Variants in LRRC4 observed in about 807,000 individuals in gnomAD.
LRRC4 encodes the protein leucine-rich repeat-containing protein 4.
A neutral mutation model predicts 37.9 loss-of-function variants in LRRC4; 11 were observed. The ratio of observed to expected loss-of-function variants is 0.29; its 90% CI spans 0.18 to 0.48. LRRC4 has a LOEUF of 0.48. LRRC4 is among the 20% of genes least tolerant of loss of function. The pLI is 0.99. For synonymous variants in LRRC4, 404 were observed against 346.7 expected, an observed-to-expected ratio of 1.17 and a Z score of -1.84; for missense variants, 717 against 842.1, an observed-to-expected ratio of 0.85 and a Z score of 1.84.
rs1803538087 is a variant in LRRC4, at chr7:128,028,308, A to G, written c.*371T>C. 1 of 178,100 alleles carries G rather than the reference A, an allele frequency of 5.6e-6. No individual in the cohort carries two copies. The highest frequency in any genetic ancestry group is 2.4e-5 in the African/African-American group (1 of 41,896). 11.0% of individuals were successfully genotyped at this position (178,100 alleles called of 1,614,324 possible). A position where few individuals can be genotyped will look rare whatever the true frequency, so the allele number is the denominator to read the frequency against. On this transcript the variant is annotated 3_prime_UTR_variant, in exon 2 of 2. Coordinates refer to ENST00000249363, the MANE Select transcript of LRRC4 (RefSeq NM_022143.5). The stretch of plus-strand genomic sequence containing the variant: ...TTCTAAAAAATGACAGATTCAGTCT[A>G]TCCCTCTTGCCCCCTCAGCAGCCCA...
Position 128,030,918 on chromosome 7 carries a change from A to G in LRRC4, c.-106T>C. On this transcript the variant is annotated 5_prime_UTR_variant, in exon 1 of 2. Coordinates refer to ENST00000249363, the MANE Select transcript of LRRC4 (RefSeq NM_022143.5). ...CCCAGTTCGCCGTCACCTACCTCGG[A>G]AGGAAGGCAGGAAAGCACTGGCGTG... 2 of 348,596 alleles carry G rather than the reference A, an allele frequency of 5.7e-6. No homozygotes were observed. Among genetic ancestry groups the G allele is most frequent in the South Asian group, 1.4e-4 (2 of 14,440 alleles). The allele number at this position is 348,596 out of a possible 1,614,324, so 21.6% of individuals were successfully genotyped here. A position where few individuals can be genotyped will look rare whatever the true frequency, so the allele number is the denominator to read the frequency against.
At chr7:128,031,959 C>T (rs559548243), upstream of LRRC4, 3 of 150,714 alleles carry the variant, frequency 2.0e-5, no homozygotes, top group Non-Finnish European at 4.4e-5. Flanking sequence ...GGAACATAGT[C>T]CCCGCTGGCT....
At position 128,029,209 on chromosome 7, in the gene LRRC4, T is replaced by C. The variant is rs745984603; in HGVS notation, c.1432A>G (p.Thr478Ala). 6 of 1,613,974 alleles carry C rather than the reference T, an allele frequency of 3.7e-6. No individual in the cohort carries two copies. The Admixed American group carries it at 8.3e-5, about 22-fold the overall frequency. Reference sequence around the variant, plus strand: ...GCCGGCTGGTAACCAGTGGACGTGGTAGGAACAGGCTTGTACTTTCGCGTT... The same window carrying C: ...GCCGGCTGGTAACCAGTGGACGTGGCAGGAACAGGCTTGTACTTTCGCGTT... Reference protein sequence around the residue: ...DTTRKYKPVPTTSTGYQPAYT... With the variant: ...DTTRKYKPVPATSTGYQPAYT... The change falls in exon 2 of 2, where the codon ACC (threonine) becomes GCC (alanine). Residue 478 changes from threonine (T) to alanine (A), a missense_variant. Coordinates refer to ENST00000249363, the MANE Select transcript of LRRC4 (RefSeq NM_022143.5). This position sits in a 1 kb window ranked among gnomAD's most constrained non-coding sequence, Gnocchi z 4.2.
At position 128,029,075 on chromosome 7, in the gene LRRC4, G is replaced by T. The variant is rs1287117354; in HGVS notation, c.1566C>A (p.Val522=). 1.9e-6 allele frequency: 3 copies of T among 1,614,076 alleles called. No homozygotes were observed. The highest frequency in any genetic ancestry group is 3.3e-5 in the Admixed American group (2 of 60,016). Residue 522 remains valine, a synonymous_variant, in exon 2 of 2, where the codon GTC becomes GTA. Transcript: ENST00000249363. This position sits in a 1 kb window ranked among gnomAD's most constrained non-coding sequence, Gnocchi z 4.2. ...TDKMQTSLDE[V]MKTTKIIIGC... ...CAATGATGATCTTGGTGGTCTTCAT[G>T]ACTTCATCCAGGCTGGTCTGCATCT...
Position 128,029,221 on chromosome 7 carries a change from T to A in LRRC4, c.1420A>T (p.Lys474Ter). 1 of 1,614,104 alleles carries A rather than the reference T, an allele frequency of 6.2e-7. No individual in the cohort carries two copies. Residue 474 changes from lysine (K) to a stop codon, truncating the protein, a stop_gained, in exon 2 of 2, where the codon AAG becomes TAG. Coordinates refer to ENST00000249363, the MANE Select transcript of LRRC4 (RefSeq NM_022143.5). LOFTEE classifies it high-confidence loss of function. The surrounding 1 kb of genome is among the most constrained non-coding windows in gnomAD (Gnocchi z 4.2). ...ISPEDTTRKY[K>*]PVPTTSTGYQ... ...CCAGTGGACGTGGTAGGAACAGGCT[T>A]GTACTTTCGCGTTGTGTCCTCAGGC...
rs910527343 is a variant in LRRC4 at position 128,031,163 on chromosome 7, G to A, written c.-351C>T. 1.3e-5 allele frequency: 2 copies of A among 152,618 alleles called. No homozygotes were observed. The highest frequency in any genetic ancestry group is 1.5e-5 in the Non-Finnish European group (1 of 68,380). The allele number at this position is 152,618 out of a possible 1,614,324, so 9.5% of individuals were successfully genotyped here. ...GGCGCGCCTGGGAGAGCCAAGGCCC[G>A]GCGGGCTATGCAGGTGCATGCCCCC... On this transcript the variant is annotated 5_prime_UTR_variant, in exon 1 of 2. Coordinates refer to ENST00000249363, the MANE Select transcript of LRRC4 (RefSeq NM_022143.5).
rs1261801925 is a variant in LRRC4, at chr7:128,031,043, CAGAGG to C, written c.-236_-232del. On this transcript the variant is annotated 5_prime_UTR_variant, in exon 1 of 2. Transcript: ENST00000249363. ...GGGGAAGTGGTGGGGGCGGGGAGGG[CAGAGG>C]GGAGGGGAGGGGAGGGGAGGGAAGG... The C allele has an allele frequency of 4.8e-5, 3 of 62,234 alleles. No individual in the cohort carries two copies. Among genetic ancestry groups the C allele is most frequent in the Admixed American group, 1.8e-4 (1 of 5,602 alleles). 3.9% of individuals were successfully genotyped at this position (62,234 alleles called of 1,614,324 possible). A position where few individuals can be genotyped will look rare whatever the true frequency, so the allele number is the denominator to read the frequency against.
chr7:128,029,062 T>C lies in LRRC4; in HGVS notation c.1579A>G (p.Lys527Glu). ...TSLDEVMKTTKIIIGCFVAVT... is the reference protein window; with the variant it reads ...TSLDEVMKTTEIIIGCFVAVT... ...GCCACAAAGCAGCCAATGATGATCT[T>C]GGTGGTCTTCATGACTTCATCCAGG... Residue 527 changes from lysine (K) to glutamate (E), a missense_variant, in exon 2 of 2, where the codon AAG becomes GAG. Lys to Glu is a moderately conservative substitution (Grantham distance 56). Transcript: ENST00000249363. This position sits in a 1 kb window ranked among gnomAD's most constrained non-coding sequence, Gnocchi z 4.2. 2 of 1,613,714 alleles carry C rather than the reference T, an allele frequency of 1.2e-6. No homozygotes were observed. The highest frequency in any genetic ancestry group is 1.7e-6 in the Non-Finnish European group (2 of 1,179,892).
chr7:128,031,596 G>A (rs1172359611), upstream of LRRC4: 3 of 149,860 alleles, frequency 2.0e-5, no homozygotes, highest in Non-Finnish European at 4.5e-5. Context: ...ACGCGGGGCG[G>A]CGCTCCGTCC....
Position 128,028,375 on chromosome 7 carries a change from T to TAA in LRRC4, c.*303_*304insTT, listed in dbSNP as rs1803539976. ...GGATGTTTGTTGTTTTAGTTTATTT[T>TAA]ATCTCAGCAATTTCAACCTTATACC... On this transcript the variant is annotated 3_prime_UTR_variant, in exon 2 of 2. Transcript: ENST00000249363. 3.6e-6 allele frequency: 1 copy of TAA among 274,746 alleles called. No homozygotes were observed. Among genetic ancestry groups the TAA allele is most frequent in the Admixed American group, 4.8e-5 (1 of 20,674 alleles). The allele number at this position is 274,746 out of a possible 1,614,324, so 17.0% of individuals were successfully genotyped here. A position where few individuals can be genotyped will look rare whatever the true frequency, so the allele number is the denominator to read the frequency against.
Position 128,028,520 on chromosome 7 carries a change from CTT to C in LRRC4, c.*157_*158del, listed in dbSNP as rs563331948. The C allele has an allele frequency of 8.4e-4, 555 of 658,974 alleles. 3 individuals carry two copies. The African/African-American group carries it at 8.8e-3, about 10-fold the overall frequency. 40.8% of individuals were successfully genotyped at this position (658,974 alleles called of 1,614,324 possible). On this transcript the variant is annotated 3_prime_UTR_variant, in exon 2 of 2. Transcript: ENST00000249363. Reference sequence around the variant, plus strand: ...AAGTTAGAAAATATTTTTGTTTTGACTTTTTGTCTTTAAATTTTAATATAATC... The same window carrying C: ...AAGTTAGAAAATATTTTTGTTTTGACTTTGTCTTTAAATTTTAATATAATC...
Position 128,030,749 on chromosome 7 carries a change from G to A in LRRC4, c.-100-9C>T. ...GGAGCTCCTCTTTCCATCTGGAGAA[G>A]GAGGTGGGGAGGGGGCGATTAGAGA... On this transcript the variant is annotated splice_polypyrimidine_tract_variant and intron_variant, in intron 1 of 1. Transcript: ENST00000249363. The A allele has an allele frequency of 7.5e-7, 1 of 1,340,602 alleles. No homozygotes were observed. Among genetic ancestry groups the A allele is most frequent in the Non-Finnish European group, 1.0e-6 (1 of 986,626 alleles). The allele number at this position is 1,340,602 out of a possible 1,614,324, so 83.0% of individuals were successfully genotyped here. A position where few individuals can be genotyped will look rare whatever the true frequency, so the allele number is the denominator to read the frequency against.
chr7:128,029,511 G>C lies in LRRC4; in HGVS notation c.1130C>G (p.Pro377Arg). 1 of 1,614,090 alleles carries C rather than the reference G, an allele frequency of 6.2e-7. No homozygotes were observed. The highest frequency in any genetic ancestry group is 8.5e-7 in the Non-Finnish European group (1 of 1,180,034). Residue 377 changes from proline to arginine, a missense_variant, in exon 2 of 2, where the codon CCC becomes CGC. Transcript: ENST00000249363. The surrounding 1 kb of genome is among the most constrained non-coding windows in gnomAD (Gnocchi z 4.2). ...GRMAELKCRT[P>R]PMSSVKWLLP... ...CAACCACTTCACGGAGGACATAGGGGGAGTCCGACACTTAAGTTCTGCCAT... is the reference window on the plus strand; with the variant it reads ...CAACCACTTCACGGAGGACATAGGGCGAGTCCGACACTTAAGTTCTGCCAT...
In LRRC4 at chr7:128,029,431, G is replaced by C. The variant is rs369406229; in HGVS notation, c.1210C>G (p.Leu404Val). Residue 404 changes from leucine to valine, a missense_variant, in exon 2 of 2, where the codon CTC becomes GTC. Leu to Val is a conservative substitution (Grantham distance 32). Coordinates refer to ENST00000249363, the MANE Select transcript of LRRC4 (RefSeq NM_022143.5). The surrounding 1 kb of genome is among the most constrained non-coding windows in gnomAD (Gnocchi z 4.2). The stretch of plus-strand genomic sequence containing the variant: ...GAAAAGTTCAAGGTGCCGTCGTTGA[G>C]GACAGAGATCCTTGGGTGGCGGGAG... ...HASRHPRISV[L>V]NDGTLNFSHV... 2 of 1,614,112 alleles carry C rather than the reference G, an allele frequency of 1.2e-6. No individual in the cohort carries two copies. The highest frequency in any genetic ancestry group is 1.7e-6 in the Non-Finnish European group (2 of 1,180,048).
rs760862041 is a variant in LRRC4, at chr7:128,028,885, C to T, written c.1756G>A (p.Ala586Thr). Residue 586 changes from alanine to threonine, a missense_variant, in exon 2 of 2, where the codon GCT becomes ACT. By Grantham distance (58) the Ala-to-Thr change is moderately conservative (BLOSUM62 0). Around this residue, in one of 5 missense-constraint regions of LRRC4, gnomAD observed 140 missense variants for 137.2 expected, o/e 1.02. Coordinates refer to ENST00000249363, the MANE Select transcript of LRRC4 (RefSeq NM_022143.5). ...PAATSAAATA[A>T]PSGVSGEGAV... is the part of the protein sequence containing the mutation. ...CCCTCACCTGATACACCGGACGGAG[C>T]TGCTGTTGCTGCTGCGGATGTTGCT... The T allele has an allele frequency of 8.7e-6, 14 of 1,614,062 alleles. No homozygotes were observed. The highest frequency in any genetic ancestry group is 1.1e-5 in the Non-Finnish European group (13 of 1,179,948).
At position 128,028,362 on chromosome 7, in the gene LRRC4, TTTTAG is replaced by T; in HGVS notation, c.*312_*316del. ...CCTACCTCTTTAAGGATGTTTGTTG[TTTTAG>T]TTTATTTTATCTCAGCAATTTCAAC... On this transcript the variant is annotated 3_prime_UTR_variant, in exon 2 of 2. Transcript: ENST00000249363. 8.1e-6 allele frequency: 2 copies of T among 245,744 alleles called. No homozygotes were observed. Among genetic ancestry groups the T allele is most frequent in the South Asian group, 1.3e-4 (2 of 15,450 alleles). 15.2% of individuals were successfully genotyped at this position (245,744 alleles called of 1,614,324 possible).
chr7:128,029,532 G>A lies in LRRC4; in HGVS notation c.1109C>T (p.Ala370Val). 6.2e-7 allele frequency: 1 copy of A among 1,614,050 alleles called. No individual in the cohort carries two copies. Residue 370 changes from alanine (A) to valine (V), a missense_variant, in exon 2 of 2, where the codon GCA becomes GTA. By Grantham distance (64) the Ala-to-Val change is moderately conservative (BLOSUM62 0). Transcript: ENST00000249363. This position sits in a 1 kb window ranked among gnomAD's most constrained non-coding sequence, Gnocchi z 4.2. ...AGGGGGAGTCCGACACTTAAGTTCT[G>A]CCATCCGACCCTCAGAAATGTTGAG... is the stretch of plus-strand genomic sequence containing the variant. ...RDLNISEGRM[A>V]ELKCRTPPMS...
At position 128,027,321 on chromosome 7, in the gene LRRC4, G is replaced by A. The variant is rs1449611551; in HGVS notation, c.*1358C>T. On this transcript the variant is annotated 3_prime_UTR_variant, in exon 2 of 2. Coordinates refer to ENST00000249363, the MANE Select transcript of LRRC4 (RefSeq NM_022143.5). ...TTCCACCTTCTCCTGAGGGGGCCTGGGAGAGGGAAGCTTCCCATCAGTGTG... is the reference window on the plus strand; with the variant it reads ...TTCCACCTTCTCCTGAGGGGGCCTGAGAGAGGGAAGCTTCCCATCAGTGTG... 2 of 152,528 alleles carry A rather than the reference G, an allele frequency of 1.3e-5. No individual in the cohort carries two copies. Among genetic ancestry groups the A allele is most frequent in the Non-Finnish European group, 2.9e-5 (2 of 68,024 alleles). 9.4% of individuals were successfully genotyped at this position (152,528 alleles called of 1,614,324 possible).
Position 128,028,027 on chromosome 7 carries a change from T to C in LRRC4, c.*652A>G, listed in dbSNP as rs1284375272. ...CCAGTGCACAGACCCCCAAGACTTG[T>C]GCACATGGACAAAGACTCAGCCCCT... On this transcript the variant is annotated 3_prime_UTR_variant, in exon 2 of 2. Transcript: ENST00000249363. 1 of 152,702 alleles carries C rather than the reference T, an allele frequency of 6.5e-6. No individual in the cohort carries two copies. Among genetic ancestry groups the C allele is most frequent in the Non-Finnish European group, 1.5e-5 (1 of 68,072 alleles). The allele number at this position is 152,702 out of a possible 1,614,324, so 9.5% of individuals were successfully genotyped here.
Sources: gnomAD v4.1 joint callset for allele counts on GRCh38, gnomAD v4.1.1 for gene constraint, gnomAD v4.1.1 regional missense constraint, Gnocchi (gnomAD v3.1) non-coding constraint, MANE v1.5 for transcripts, NCBI Gene and HGNC (gene_info 2026-07-23, HGNC 2026-07-21) for gene names.